Variants in SYBU observed in about 807,000 individuals in gnomAD.
SYBU encodes the protein GOLSYN A protein.
A neutral mutation model predicts 35.9 loss-of-function variants in SYBU; 21 were observed. The observed-to-expected ratio is 0.58, with a 90% CI of 0.41 to 0.84. SYBU has a LOEUF of 0.84. SYBU is among the 40% of genes least tolerant of loss of function. The pLI, the probability that SYBU is intolerant of heterozygous loss-of-function variation, is 0.00. For missense variants in SYBU, 768 were observed against 848.2 expected (o/e 0.91, Z 1.17); for synonymous variants, 319 against 324.3 (o/e 0.98, Z 0.18).
intron 1 of SYBU, among the ~76,000 whole-genome samples, chr8:109,660,035 G>A (rs1489962697): frequency 1.3e-5 from 2 of 152,000 alleles, no homozygotes; most frequent in Non-Finnish European, 2.9e-5. Flanking sequence ...ACTCTAAAAT[G>A]TTTCTAATTT....
chr8:109,668,396 C>G (rs1390281849), intron 1 of SYBU, among the ~76,000 whole-genome samples: 4 of 152,074 alleles, frequency 2.6e-5, no homozygotes, highest in African/African-American at 9.7e-5. Context: ...AAAAATTGAC[C>G]TGTTCTGATG....
chr8:109,603,768 A>T (rs529008389), intron 3 of SYBU, among the ~76,000 whole-genome samples: 2 of 152,216 alleles, frequency 1.3e-5, no homozygotes, highest in Non-Finnish European at 2.9e-5. Context: ...AAGGGCACAT[A>T]TCTAAGCTGG....
intron 2 of SYBU, among the ~76,000 whole-genome samples, chr8:109,639,347 AAAGT>A (rs1425531078): frequency 3.9e-4 from 59 of 152,278 alleles, no homozygotes; most frequent in African/African-American, 1.3e-3. Flanking sequence ...CTTTTTTAAA[AAAGT>A]AAAAATTTTA....
At position 109,679,601 on chromosome 8, in the gene SYBU, A is replaced by G. The variant is rs1420860216; in HGVS notation, c.-129+1110T>C. On this transcript the variant is annotated intron_variant, in intron 1 of 5. Coordinates refer to the SYBU transcript ENST00000408889. ...TTTGCTATTACACCTAAGTGACCTCAAACAAGGTGAGGTTTGGGACATCAG... is the reference window on the plus strand; with the variant it reads ...TTTGCTATTACACCTAAGTGACCTCGAACAAGGTGAGGTTTGGGACATCAG... Among the ~76,000 whole-genome samples the G allele has an allele frequency of 2.6e-5, 4 of 152,350 alleles. No homozygotes were observed. In the East Asian group the frequency reaches 7.7e-4, roughly 29 times the overall value.
At chr8:109,681,420 A>G (rs1817393400), upstream of SYBU, among the ~76,000 whole-genome samples, 1 of 152,244 alleles carries the variant, frequency 6.6e-6, no homozygotes, top group Admixed American at 6.5e-5. Context: ...GATATATTTT[A>G]AAGTATAGGA....
intron 1 of SYBU, among the ~76,000 whole-genome samples, chr8:109,677,261 T>G (rs1448065412): frequency 6.6e-6 from 1 of 152,186 alleles, no homozygotes; most frequent in Non-Finnish European, 1.5e-5. Flanking sequence ...CCTTTTCAAT[T>G]AAAAAATATG....
At position 109,644,732 on chromosome 8, in the gene SYBU, G is replaced by T; in HGVS notation, c.-73C>A. 3 of 1,392,928 alleles carry T rather than the reference G, an allele frequency of 2.2e-6. No individual in the cohort carries two copies. The highest frequency in any genetic ancestry group is 1.9e-6 in the Non-Finnish European group (2 of 1,073,200). The allele number at this position is 1,392,928 out of a possible 1,614,324, so 86.3% of individuals were successfully genotyped here. On this transcript the variant is annotated 5_prime_UTR_variant, in exon 1 of 7. Transcript: ENST00000276646. ...GAGGAGGCACCTGCGAGCACGGAGC[G>T]AGGAGACTGCGCTGAGCCGGCGCGG...
In SYBU at chr8:109,669,058, A is replaced by G. The variant is rs547705994; in HGVS notation, c.-129+11653T>C. Among the ~76,000 whole-genome samples, 54 of 152,242 alleles carry G rather than the reference A, an allele frequency of 3.5e-4. 2 individuals carry two copies. The highest frequency in any genetic ancestry group is 3.5e-3 in the Admixed American group (53 of 15,288). On this transcript the variant is annotated intron_variant, in intron 1 of 5. Coordinates refer to the SYBU transcript ENST00000408889. ...ACTGAATTACTTTAAAAAGCAACTG[A>G]TCGGCTGGGCGTGGTGGCTCACACC...
intron 1 of SYBU, among the ~76,000 whole-genome samples, chr8:109,651,448 CTTTTTTTTTTTTTTTT>C (rs535652540): frequency 1.9e-4 from 12 of 64,500 alleles, no homozygotes; most frequent in Admixed American, 4.0e-4. Context: ...GAAATTGAGA[CTTTTTTTTTTTTTTTT>C]TTTTTTTTTT....
chr8:109,591,249 T>C (rs1229093292), intron 3 of SYBU, among the ~76,000 whole-genome samples: 1 of 152,186 alleles, frequency 6.6e-6, no homozygotes, highest in Non-Finnish European at 1.5e-5. Context: ...GTCTGCTTTT[T>C]TTGTGAATAA....
At chr8:109,676,120 G>T (rs893287483) in intron 1 of SYBU, among the ~76,000 whole-genome samples, 4 of 152,112 alleles carry the variant, frequency 2.6e-5, no homozygotes, top group African/African-American at 9.7e-5. Context: ...CAATAAACTT[G>T]GTAGTGAGGG....
In SYBU at chr8:109,586,086, T is replaced by A. The variant is rs1269399848; in HGVS notation, c.504A>T (p.Gly168=). The part of the protein sequence containing the change: ...SAPEVHMSTA[G]SKRSSSSRNR... The stretch of plus-strand genomic sequence containing the variant: ...TGCGTGAAGAAGAAGACCGCTTGCT[T>A]CCCGCAGTCGACATATGGACCTCAG... The change falls in exon 4 of 7, where the codon GGA becomes GGT. Residue 168 remains glycine (G), a synonymous_variant. Transcript: ENST00000276646. 3 of 1,611,726 alleles carry A rather than the reference T, an allele frequency of 1.9e-6. No homozygotes were observed. The Admixed American group carries it at 5.0e-5, about 27-fold the overall frequency.
At chr8:109,645,632 T>G, upstream of SYBU, 1 of 279,390 alleles carries the variant, frequency 3.6e-6, no homozygotes, top group South Asian at 3.7e-5. Context: ...TTTCGTTTTT[T>G]GTTTTTTTTT....
chr8:109,648,399 A>G (rs1815936481), upstream of SYBU, among the ~76,000 whole-genome samples: 1 of 151,414 alleles, frequency 6.6e-6, no homozygotes, highest in Admixed American at 6.6e-5. Context: ...TGTTTATGTG[A>G]AATTTGTAAT....
chr8:109,611,189 A>G (rs1468489833), intron 3 of SYBU, among the ~76,000 whole-genome samples: 1 of 152,200 alleles, frequency 6.6e-6, no homozygotes, highest in Non-Finnish European at 1.5e-5. Context: ...CTTCCTTCTC[A>G]ACACATTAGA....
Position 109,618,823 on chromosome 8 carries a change from G to C in SYBU, c.427+19C>G. 1 of 1,610,530 alleles carries C rather than the reference G, an allele frequency of 6.2e-7. No homozygotes were observed. The highest frequency in any genetic ancestry group is 8.5e-7 in the Non-Finnish European group (1 of 1,176,868). On this transcript the variant is annotated intron_variant, in intron 3 of 6. Transcript: ENST00000276646. Reference sequence around the variant, plus strand: ...CATCACATTGTTCTGATGAAAACATGACGAGTAAGTTCACTGACCTGGTTT... The same window carrying C: ...CATCACATTGTTCTGATGAAAACATCACGAGTAAGTTCACTGACCTGGTTT...
chr8:109,666,838 T>G (rs1357529339), intron 1 of SYBU, among the ~76,000 whole-genome samples: 2 of 152,220 alleles, frequency 1.3e-5, no homozygotes, highest in East Asian at 3.9e-4. Context: ...TATACTACAT[T>G]TATTTTTTAA....
At position 109,653,855 on chromosome 8, in the gene SYBU, G is replaced by A. The variant is rs553542416; in HGVS notation, c.-129+26856C>T. The stretch of plus-strand genomic sequence containing the variant: ...CTTCCCATTTCTGGTTCTTTAGGAT[G>A]GAAGTTGTGTTTCTTCCTATACAAG... On this transcript the variant is annotated intron_variant, in intron 1 of 5. Transcript: ENST00000408889. 2.9e-4 allele frequency among the ~76,000 whole-genome samples: 44 copies of A among 152,220 alleles called. 1 individual carries two copies. Among genetic ancestry groups the A allele is most frequent in the South Asian group, 1.0e-3 (5 of 4,816 alleles).
At chr8:109,646,226 G>A (rs952694171), upstream of SYBU, 2 of 142,970 alleles carry the variant, frequency 1.4e-5, no homozygotes, top group Non-Finnish European at 3.0e-5. Context: ...TCCAAGCAGT[G>A]CGACACTCTG....
Sources: gnomAD v4.1 joint callset for allele counts (sites outside exome capture counted in the v4.1 genomes callset) on GRCh38, gnomAD v4.1.1 for gene constraint, MANE v1.5 for transcripts, NCBI Gene and HGNC (gene_info 2026-07-23, HGNC 2026-07-21) for gene names.